The following MATN2 variants were observed in gnomAD, a reference collection of about 807,000 sequenced individuals.
MATN2 encodes matrilin-2.
MATN2 carries 69 observed loss-of-function variants against 103.2 expected under a neutral mutation model. That is an observed-to-expected ratio of 0.67 (90% CI 0.55 to 0.82). The LOEUF (loss-of-function observed/expected upper bound fraction) is 0.82. Ranked by LOEUF, MATN2 falls within the 40% of genes least tolerant of loss-of-function variation. The pLI, the probability that MATN2 is intolerant of heterozygous loss-of-function variation, is 0.00. For missense variants in MATN2, 1,023 were observed against 1,211.5 expected (o/e 0.84, Z 2.31); for synonymous variants, 429 against 450.2 (o/e 0.95, Z 0.60).
At chr8:97,905,122 G>A (rs2130045839) in intron 2 of MATN2, among the ~76,000 whole-genome samples, 1 of 152,272 alleles carries the variant, frequency 6.6e-6, no homozygotes, top group Admixed American at 6.5e-5. Context: ...GTTTTTAAAA[G>A]TACATGTTAC....
intron 7 of MATN2, among the ~76,000 whole-genome samples, chr8:97,997,824 T>G (rs1385124518): frequency 1.3e-5 from 2 of 151,270 alleles, no homozygotes; most frequent in Non-Finnish European, 1.5e-5. Flanking sequence ...AAGGTTTTTT[T>G]TTTTTTTTTT....
chr8:98,004,007 G>C, intron 8 of MATN2: 2 of 485,148 alleles, frequency 4.1e-6, no homozygotes, highest in South Asian at 4.0e-5. Flanking sequence ...AATAGGAATA[G>C]GCTGGGCGCG....
intron 2 of MATN2, among the ~76,000 whole-genome samples, chr8:97,889,489 A>ATATATATAT (rs1408329205): frequency 1.7e-4 from 24 of 143,696 alleles, no homozygotes; most frequent in African/African-American, 3.6e-4. Context: ...ATATATATAT[A>ATATATATAT]AAACTGATGA....
At chr8:98,019,167 T>G (rs1813487596) in intron 12 of MATN2, among the ~76,000 whole-genome samples, 1 of 151,700 alleles carries the variant, frequency 6.6e-6, no homozygotes, top group East Asian at 1.9e-4. Context: ...TACTATGGTC[T>G]GTTTCTATCT....
Position 97,931,173 on chromosome 8 carries a change from G to T in MATN2, c.363G>T (p.Glu121Asp). Residue 121 changes from glutamate to aspartate, a missense_variant, in exon 3 of 19, where the codon GAG (glutamate) becomes GAT (aspartate). Physicochemically the swap from Glu to Asp is conservative, Grantham distance 45. Coordinates refer to ENST00000254898, the MANE Select transcript of MATN2 (RefSeq NM_002380.5). The surrounding 1 kb of genome is among the most constrained non-coding windows in gnomAD (Gnocchi z 4.1). ...CCTTCAAGAGGAAGTCCGAGGTGGA[G>T]CGTGCTGTCAAGAGGATGCGGCATC... ...LKTFKRKSEV[E>D]RAVKRMRHLS... 6.2e-7 allele frequency: 1 copy of T among 1,613,684 alleles called. No homozygotes were observed. The highest frequency in any genetic ancestry group is 8.5e-7 in the Non-Finnish European group (1 of 1,179,618).
chr8:97,996,365 G>A (rs866411413), intron 7 of MATN2, among the ~76,000 whole-genome samples: 2 of 152,148 alleles, frequency 1.3e-5, no homozygotes, highest in African/African-American at 2.4e-5. Context: ...AAGGAAGAGC[G>A]AGTAGAGAGG....
At chr8:97,943,160 CT>C (rs143173347) in intron 4 of MATN2, among the ~76,000 whole-genome samples, 1,567 of 152,198 alleles carry the variant, frequency 0.01, 26 homozygotes, top group African/African-American at 0.036. Context: ...TCCTAAAGAA[CT>C]GGGGGAGCCT....
At chr8:97,994,365 T>A in intron 6 of MATN2, 115 bp from the exon 7 acceptor site, 2 of 1,121,688 alleles carry the variant, frequency 1.8e-6, no homozygotes, top group Non-Finnish European at 2.5e-6. Context: ...ATGGTGTGAC[T>A]CTTTGAGGTG....
At chr8:97,891,876 A>T (rs1435857139) in intron 2 of MATN2, among the ~76,000 whole-genome samples, 4 of 151,902 alleles carry the variant, frequency 2.6e-5, no homozygotes, top group Non-Finnish European at 5.9e-5. Context: ...CTGAGGTGGA[A>T]GGATCACTTG....
At chr8:97,973,263 G>A (rs1811718712) in intron 5 of MATN2, among the ~76,000 whole-genome samples, 3 of 152,190 alleles carry the variant, frequency 2.0e-5, no homozygotes, top group Admixed American at 6.5e-5. Context: ...CCAGGAATGC[G>A]TGAATCCTGC....
chr8:98,035,639 C>T lies in MATN2; in HGVS notation c.2816-18C>T, dbSNP rs745496718. The T allele has an allele frequency of 4.7e-6, 7 of 1,487,398 alleles. No homozygotes were observed. The highest frequency in any genetic ancestry group is 6.5e-6 in the Non-Finnish European group (7 of 1,077,712). The allele number at this position is 1,487,398 out of a possible 1,614,324, so 92.1% of individuals were successfully genotyped here. ...ATAAAAATAGACAATTCTTCATCTT[C>T]CTTAATTTGAGATTTACTAGAAGAA... On this transcript the variant is annotated intron_variant, in intron 18 of 18. Transcript: ENST00000254898.
intron 13 of MATN2, among the ~76,000 whole-genome samples, chr8:98,023,535 G>T (rs1212791401): frequency 1.3e-5 from 2 of 152,158 alleles, no homozygotes; most frequent in African/African-American, 4.8e-5. Flanking sequence ...GCTGGTTGTG[G>T]TGGTACGTGG....
chr8:97,922,004 G>C (rs947747708), intron 2 of MATN2, among the ~76,000 whole-genome samples: 1 of 152,274 alleles, frequency 6.6e-6, no homozygotes, highest in Non-Finnish European at 1.5e-5. Context: ...TCACACAAGC[G>C]CAAACCCTAT....
chr8:98,032,381 T>A (rs1814064895), intron 16 of MATN2, 64 bp downstream of exon 16: 2 of 1,226,606 alleles, frequency 1.6e-6, no homozygotes, highest in Non-Finnish European at 2.4e-6. Context: ...TCCCTCCAGA[T>A]AAAAGCTGTA....
intron 5 of MATN2, among the ~76,000 whole-genome samples, chr8:97,976,133 T>G (rs1229476513): frequency 6.6e-6 from 1 of 152,090 alleles, no homozygotes. Context: ...TGAAACTTTT[T>G]TTTTTTTTTG....
At chr8:97,900,367 C>T (rs1010005448) in intron 2 of MATN2, among the ~76,000 whole-genome samples, 3 of 152,182 alleles carry the variant, frequency 2.0e-5, no homozygotes, top group Admixed American at 6.5e-5. Context: ...TTCGGACAAC[C>T]TAAGTTCAGA....
At position 97,979,024 on chromosome 8, in the gene MATN2, AT is replaced by A; in HGVS notation, c.1081+17del. The A allele has an allele frequency of 6.3e-7, 1 of 1,597,422 alleles. No individual in the cohort carries two copies. The highest frequency in any genetic ancestry group is 8.5e-7 in the Non-Finnish European group (1 of 1,171,812). Reference sequence around the variant, plus strand: ...ACGTGCACAAGTAAGTTACACACACATGCACACACAGAGAAATATTTGCTGT... The same window carrying A: ...ACGTGCACAAGTAAGTTACACACACAGCACACACAGAGAAATATTTGCTGT... On this transcript the variant is annotated intron_variant, in intron 6 of 18. Transcript: ENST00000254898.
rs1810157658 is a variant in MATN2 at position 97,930,847 on chromosome 8, C to T, written c.143-106C>T. The T allele has an allele frequency of 2.0e-5, 14 of 687,510 alleles. No individual in the cohort carries two copies. The East Asian group carries it at 3.5e-4, about 17-fold the overall frequency. The allele number at this position is 687,510 out of a possible 1,614,324, so 42.6% of individuals were successfully genotyped here. ...GTGTTGACCAGGCTGGTCTTGAATT[C>T]CTGACCTCAGGTGATCCACCCGCCT... On this transcript the variant is annotated intron_variant, in intron 2 of 18. Transcript: ENST00000254898.
chr8:97,998,807 C>T (rs1436359317), intron 7 of MATN2, among the ~76,000 whole-genome samples: 2 of 151,658 alleles, frequency 1.3e-5, no homozygotes, highest in African/African-American at 4.8e-5. Context: ...ATAAATTTTT[C>T]TTAAAGACAA....
Sources: gnomAD v4.1 joint callset for allele counts (sites outside exome capture counted in the v4.1 genomes callset) on GRCh38, gnomAD v4.1.1 for gene constraint, Gnocchi (gnomAD v3.1) non-coding constraint, MANE v1.5 for transcripts, NCBI Gene and HGNC (gene_info 2026-07-23, HGNC 2026-07-21) for gene names.